The following NT5C2 variants were observed in gnomAD, a reference collection of about 807,000 sequenced individuals.
The protein encoded by NT5C2 is cytosolic purine 5'-nucleotidase.
Under a neutral mutation model 76.1 loss-of-function variants are expected in NT5C2, and 58 were observed. The observed-to-expected ratio is 0.76, with a 90% CI of 0.62 to 0.95. NT5C2 has a LOEUF of 0.95. Among genes scored for constraint, NT5C2 ranks in the 40% least tolerant of loss-of-function variants. The pLI is 0.00. For missense variants in NT5C2, 478 were observed against 690.3 expected, an observed-to-expected ratio of 0.69 and a Z score of 3.45; for synonymous variants, 229 against 237.4, an observed-to-expected ratio of 0.96 and a Z score of 0.32.
intron 2 of NT5C2, among the ~76,000 whole-genome samples, chr10:103,177,673 T>C (rs2090263049): frequency 3.3e-5 from 5 of 152,172 alleles, no homozygotes; most frequent in Admixed American, 2.6e-4. Context: ...AGGTACTCAC[T>C]ACAAAACCCA....
intron 14 of NT5C2, chr10:103,093,758 G>T (rs532988276): frequency 3.8e-5 from 19 of 504,066 alleles, no homozygotes; most frequent in Non-Finnish European, 6.3e-5. Context: ...AAAAAAAACT[G>T]ATCATTTTAG....
At chr10:103,181,727 T>G (rs757897104) in intron 1 of NT5C2, among the ~76,000 whole-genome samples, 1 of 152,100 alleles carries the variant, frequency 6.6e-6, no homozygotes, top group Non-Finnish European at 1.5e-5. Flanking sequence ...AGTAAAGGCC[T>G]GGCGTGGTGG....
chr10:103,107,770 G>A (rs956760252), intron 4 of NT5C2, among the ~76,000 whole-genome samples: 1 of 152,092 alleles, frequency 6.6e-6, no homozygotes, highest in African/African-American at 2.4e-5. Flanking sequence ...AGGGATTTCA[G>A]GCAATGAGGG....
intron 3 of NT5C2, among the ~76,000 whole-genome samples, chr10:103,159,298 G>C (rs955204272): frequency 7.0e-6 from 1 of 142,004 alleles, no homozygotes; most frequent in African/African-American, 2.6e-5. Flanking sequence ...CACACAATTA[G>C]AGCTAATAAA....
chr10:103,174,277 T>C (rs893842660), intron 3 of NT5C2, among the ~76,000 whole-genome samples: 3 of 151,596 alleles, frequency 2.0e-5, no homozygotes, highest in African/African-American at 7.3e-5. Context: ...CATGGGGCCA[T>C]GCCTGTAATC....
At chr10:103,149,228 C>T (rs1377801819) in intron 3 of NT5C2, among the ~76,000 whole-genome samples, 3 of 152,022 alleles carry the variant, frequency 2.0e-5, no homozygotes, top group Non-Finnish European at 4.4e-5. Context: ...CCAGATATAG[C>T]CCAGTTTCTG....
chr10:103,096,131 G>C, intron 11 of NT5C2, 151 bp from the exon 12 acceptor site: 2 of 621,016 alleles, frequency 3.2e-6, no homozygotes, highest in Non-Finnish European at 5.7e-6. Context: ...AATCATGGCA[G>C]TGGAAGCCAG....
At chr10:103,146,404 T>C (rs979288111) in intron 3 of NT5C2, 32 of 985,318 alleles carry the variant, frequency 3.2e-5, no homozygotes, top group South Asian at 4.7e-5. Flanking sequence ...GATTCAAGTA[T>C]AAAATCTTCT....
chr10:103,176,918 G>A (rs938007070), intron 2 of NT5C2, among the ~76,000 whole-genome samples: 3 of 151,964 alleles, frequency 2.0e-5, no homozygotes, highest in East Asian at 1.9e-4. Context: ...GGTTGGGGTA[G>A]GTCTGTAATG....
intron 4 of NT5C2, among the ~76,000 whole-genome samples, chr10:103,110,360 G>A (rs2072656193): frequency 6.6e-6 from 1 of 152,146 alleles, no homozygotes; most frequent in Admixed American, 6.5e-5. Flanking sequence ...GGAGGCTGAG[G>A]CAGGAGAAAT....
intron 1 of NT5C2, among the ~76,000 whole-genome samples, 198 bp downstream of exon 1, chr10:103,193,038 G>A (rs1353112672): frequency 1.3e-5 from 2 of 151,806 alleles, no homozygotes; most frequent in Non-Finnish European, 2.9e-5. Flanking sequence ...GGAGTTGGGA[G>A]GCGTGCGGCG....
At chr10:103,146,069 T>C (rs2081425232) in intron 3 of NT5C2, 1 of 985,374 alleles carries the variant, frequency 1.0e-6, no homozygotes, top group Non-Finnish European at 1.2e-6. Flanking sequence ...AGTGTAAAAC[T>C]ATCTGAGTCA....
chr10:103,168,914 T>A (rs2087077379), intron 3 of NT5C2, among the ~76,000 whole-genome samples: 1 of 152,154 alleles, frequency 6.6e-6, no homozygotes, highest in Non-Finnish European at 1.5e-5. Flanking sequence ...AAATTACCAA[T>A]CCAAATAAAT....
intron 1 of NT5C2, among the ~76,000 whole-genome samples, chr10:103,182,083 G>C (rs932144754): frequency 1.3e-5 from 2 of 151,662 alleles, no homozygotes; most frequent in African/African-American, 4.8e-5. Context: ...AAAATGCCAC[G>C]CTGCTAGAGT....
intron 4 of NT5C2, among the ~76,000 whole-genome samples, chr10:103,124,384 C>T (rs1318863359): frequency 1.3e-5 from 2 of 152,140 alleles, no homozygotes; most frequent in East Asian, 3.8e-4. Context: ...AATACTTAAA[C>T]ACACAGAAAA....
intron 4 of NT5C2, among the ~76,000 whole-genome samples, chr10:103,110,163 G>A (rs1178545904): frequency 6.6e-6 from 1 of 152,076 alleles, no homozygotes; most frequent in Non-Finnish European, 1.5e-5. Context: ...GGCCAGGAGT[G>A]GTAACTCACA....
At chr10:103,124,564 G>A (rs763695768) in intron 4 of NT5C2, among the ~76,000 whole-genome samples, 5 of 151,984 alleles carry the variant, frequency 3.3e-5, no homozygotes, top group Non-Finnish European at 7.4e-5. Flanking sequence ...CAGACAAAGA[G>A]TGCACTAGTC....
intron 3 of NT5C2, among the ~76,000 whole-genome samples, chr10:103,162,184 T>G (rs2085077871): frequency 6.6e-6 from 1 of 151,668 alleles, no homozygotes; most frequent in Non-Finnish European, 1.5e-5. Flanking sequence ...CCCAGCAAAT[T>G]TTTGTATTTT....
chr10:103,152,201 A>T (rs911044433), intron 3 of NT5C2, among the ~76,000 whole-genome samples: 2 of 152,208 alleles, frequency 1.3e-5, no homozygotes, highest in African/African-American at 4.8e-5. Context: ...CTACCTATCT[A>T]TAGCCAGTGG....
Sources: allele counts gnomAD v4.1 joint callset (sites outside exome capture counted in the v4.1 genomes callset), GRCh38; gene constraint gnomAD v4.1.1; transcripts MANE v1.5; gene names NCBI Gene and HGNC (gene_info 2026-07-23, HGNC 2026-07-21).